ANKRD36: variants seen among roughly 807,000 people sequenced by gnomAD.
ANKRD36 encodes the protein ankyrin repeat domain 36.
A neutral mutation model predicts 278.1 loss-of-function variants in ANKRD36; 179 were observed. The observed-to-expected ratio is 0.64, with a 90% CI of 0.57 to 0.73. The LOEUF (loss-of-function observed/expected upper bound fraction) is 0.73, where lower values mean the gene tolerates loss of function less well. ANKRD36 is among the 30% of genes least tolerant of loss of function. The pLI is 0.00. For missense variants in ANKRD36, 1,159 were observed against 1,956.7 expected, an observed-to-expected ratio of 0.59 and a Z score of 7.69; for synonymous variants, 320 against 641.1, an observed-to-expected ratio of 0.50 and a Z score of 7.57.
intron 66 of ANKRD36, among the ~76,000 whole-genome samples, chr2:97,220,789 T>A (rs28876511): frequency 0.076 from 9,270 of 122,550 alleles, 700 homozygotes; most frequent in South Asian, 0.4. Flanking sequence ...TTTTTTTTTT[T>A]ATTATACTCT....
rs547283662 is a variant in ANKRD36 at position 97,182,022 on chromosome 2, C to T, written c.1837+229C>T. On this transcript the variant is annotated intron_variant, in intron 26 of 75. Transcript: ENST00000420699. The stretch of plus-strand genomic sequence containing the variant: ...TTGGGAAGAAGAAACGTTGGAGAGC[C>T]ATTAAAGACATAAGGAGTCAGGGGA... Among the ~76,000 whole-genome samples the T allele has an allele frequency of 1.2e-4, 18 of 151,312 alleles. No individual in the cohort carries two copies. In the South Asian group the frequency reaches 3.8e-3, roughly 32 times the overall value.
intron 66 of ANKRD36, among the ~76,000 whole-genome samples, chr2:97,222,266 T>C (rs1422635452): frequency 6.6e-6 from 1 of 152,012 alleles, no homozygotes. Context: ...ATGCGGGCTC[T>C]TTTTTGGTTC....
chr2:97,232,905 C>G (rs1379059366), intron 67 of ANKRD36, among the ~76,000 whole-genome samples: 4 of 151,974 alleles, frequency 2.6e-5, no homozygotes, highest in African/African-American at 9.7e-5. Context: ...AAACAAAACA[C>G]CGCTAATTGG....
At chr2:97,178,083 A>G (rs1247843763) in intron 22 of ANKRD36, among the ~76,000 whole-genome samples, 1 of 150,836 alleles carries the variant, frequency 6.6e-6, no homozygotes, top group Non-Finnish European at 1.5e-5. Context: ...AAAAATGCTC[A>G]TCATCACTGG....
chr2:97,130,362 T>C (rs946031723), intron 6 of ANKRD36, among the ~76,000 whole-genome samples: 1 of 145,602 alleles, frequency 6.9e-6, no homozygotes, highest in African/African-American at 2.6e-5. Flanking sequence ...AACCAAACAC[T>C]GCATGTTCTC....
chr2:97,174,612 T>G (rs2053672329), intron 22 of ANKRD36, among the ~76,000 whole-genome samples: 1 of 151,794 alleles, frequency 6.6e-6, no homozygotes, highest in Non-Finnish European at 1.5e-5. Flanking sequence ...TTGAATACCC[T>G]TTATTTCCTT....
Position 97,189,385 on chromosome 2 carries a change from C to T in ANKRD36, c.2245+95C>T, listed in dbSNP as rs1321947507. On this transcript the variant is annotated intron_variant, in intron 34 of 75. Transcript: ENST00000420699. ...ATCAGCGGAGGGTGGGTGGGGGGCTCGCCTAATCTGCACATTCTGATTCAG... is the reference window on the plus strand; with the variant it reads ...ATCAGCGGAGGGTGGGTGGGGGGCTTGCCTAATCTGCACATTCTGATTCAG... 6 of 573,238 alleles carry T rather than the reference C, an allele frequency of 1.0e-5. 2 individuals carry two copies. Among genetic ancestry groups the T allele is most frequent in the Admixed American group, 6.4e-5 (2 of 31,220 alleles). 35.5% of individuals were successfully genotyped at this position (573,238 alleles called of 1,614,324 possible).
intron 46 of ANKRD36, among the ~76,000 whole-genome samples, chr2:97,201,204 G>A (rs1346223954): frequency 6.6e-6 from 1 of 151,878 alleles, no homozygotes; most frequent in Non-Finnish European, 1.5e-5. Context: ...AGGCATCAGA[G>A]ATACATCTTT....
chr2:97,179,561 T>G (rs901893713), intron 22 of ANKRD36, among the ~76,000 whole-genome samples, 177 bp from the exon 23 acceptor site: 4 of 151,622 alleles, frequency 2.6e-5, no homozygotes, highest in African/African-American at 9.7e-5. Flanking sequence ...TATTCCTATT[T>G]TCTTCAGTGT....
chr2:97,205,551 T>C (rs1459840730), intron 50 of ANKRD36, among the ~76,000 whole-genome samples: 2 of 151,498 alleles, frequency 1.3e-5, no homozygotes, highest in African/African-American at 4.8e-5. Flanking sequence ...GTAAATCCTA[T>C]TGATTTGTTG....
intron 20 of ANKRD36, among the ~76,000 whole-genome samples, chr2:97,165,425 A>T (rs2050362162): frequency 6.6e-6 from 1 of 152,146 alleles, no homozygotes; most frequent in African/African-American, 2.4e-5. Context: ...ACCAACATAG[A>T]TTTGCTTATG....
At chr2:97,165,561 G>A (rs901530667) in intron 20 of ANKRD36, among the ~76,000 whole-genome samples, 19 of 151,754 alleles carry the variant, frequency 1.3e-4, no homozygotes, top group African/African-American at 4.6e-4. Context: ...AATGACATTG[G>A]AAAGAAGAAA....
chr2:97,203,213 G>C (rs1434266493), intron 48 of ANKRD36, among the ~76,000 whole-genome samples: 4 of 151,792 alleles, frequency 2.6e-5, no homozygotes, highest in African/African-American at 4.8e-5. Context: ...ATACTCCCAA[G>C]AAGGCTATTT....
chr2:97,207,124 A>T (rs1238364430), intron 52 of ANKRD36, among the ~76,000 whole-genome samples: 1 of 151,546 alleles, frequency 6.6e-6, no homozygotes, highest in Non-Finnish European at 1.5e-5. Flanking sequence ...TGATATTTTT[A>T]TTGAGGCTAA....
At chr2:97,137,716 T>C (rs1387570487) in intron 6 of ANKRD36, among the ~76,000 whole-genome samples, 31 of 151,844 alleles carry the variant, frequency 2.0e-4, no homozygotes, top group Admixed American at 1.4e-3. Flanking sequence ...AATTGACACT[T>C]CCACCAACAG....
chr2:97,216,258 G>A (rs530636846), intron 62 of ANKRD36, among the ~76,000 whole-genome samples: 19 of 152,004 alleles, frequency 1.2e-4, no homozygotes, highest in Non-Finnish European at 2.6e-4. Context: ...TGTTCAAGGA[G>A]CTAACTCTTG....
intron 6 of ANKRD36, among the ~76,000 whole-genome samples, chr2:97,133,113 G>T (rs1437765780): frequency 1.3e-5 from 2 of 151,958 alleles, no homozygotes; most frequent in African/African-American, 4.8e-5. Flanking sequence ...CACCAGCGAA[G>T]GGCCAGTTTT....
chr2:97,197,439 C>G (rs1427092659), intron 42 of ANKRD36, among the ~76,000 whole-genome samples: 1 of 151,960 alleles, frequency 6.6e-6, no homozygotes. Flanking sequence ...TGACTCATTA[C>G]TCTCCTTTGT....
chr2:97,263,277 C>A (rs1366163749), intron 75 of ANKRD36, among the ~76,000 whole-genome samples: 1 of 127,348 alleles, frequency 7.9e-6, no homozygotes, highest in Non-Finnish European at 1.6e-5. Context: ...TTCCCACAAG[C>A]AATGAATGAA....
Sources: gnomAD v4.1 joint callset for allele counts (sites outside exome capture counted in the v4.1 genomes callset) on GRCh38, gnomAD v4.1.1 for gene constraint, MANE v1.5 for transcripts, NCBI Gene and HGNC (gene_info 2026-07-23, HGNC 2026-07-21) for gene names.